GOLT1A: variants seen among roughly 807,000 people sequenced by gnomAD.
GOLT1A encodes vesicle transport protein GOT1A.
Under a neutral mutation model 16.1 loss-of-function variants are expected in GOLT1A, and 10 were observed. The ratio of observed to expected loss-of-function variants is 0.62; its 90% CI spans 0.38 to 1.05. The LOEUF is 1.05. GOLT1A is among the 50% of genes least tolerant of loss of function. The pLI is 0.01. For synonymous variants in GOLT1A, 60 were observed against 67.9 expected (o/e 0.88, Z 0.57); for missense variants, 137 against 165.7 (o/e 0.83, Z 0.95).
chr1:204,208,860 C>T (rs571722499), intron 1 of GOLT1A, among the ~76,000 whole-genome samples: 2 of 152,066 alleles, frequency 1.3e-5, no homozygotes, highest in South Asian at 4.2e-4. Context: ...AATAAACAAG[C>T]AAACAAAAAA....
intron 1 of GOLT1A, among the ~76,000 whole-genome samples, chr1:204,211,778 G>C (rs1287653899): frequency 6.6e-6 from 1 of 152,154 alleles, no homozygotes; most frequent in African/African-American, 2.4e-5. Context: ...TGTTTCCCAG[G>C]GGACATCTGG....
chr1:204,213,065 C>A (rs1659164040), intron 1 of GOLT1A, among the ~76,000 whole-genome samples: 1 of 152,156 alleles, frequency 6.6e-6, no homozygotes, highest in South Asian at 2.1e-4. Flanking sequence ...CCTGACCACT[C>A]TATATAAAAT....
intron 2 of GOLT1A, among the ~76,000 whole-genome samples, chr1:204,202,139 T>C (rs900168669): frequency 2.6e-5 from 4 of 151,990 alleles, no homozygotes; most frequent in Non-Finnish European, 4.4e-5. Context: ...GGAGGGATTT[T>C]TATTCCAAAG....
At chr1:204,200,661 ATGGC>A (rs1247864046) in intron 3 of GOLT1A, among the ~76,000 whole-genome samples, 6 of 152,100 alleles carry the variant, frequency 3.9e-5, no homozygotes, top group Non-Finnish European at 5.9e-5. Flanking sequence ...GAATAAATAG[ATGGC>A]AGGTATGCAT....
intron 2 of GOLT1A, among the ~76,000 whole-genome samples, chr1:204,202,463 T>C (rs1215470658): frequency 6.6e-6 from 1 of 151,944 alleles, no homozygotes; most frequent in Non-Finnish European, 1.5e-5. Context: ...TCCACCATTC[T>C]CCAATTCAGT....
Position 204,213,983 on chromosome 1 carries a change from G to T in GOLT1A, c.-77C>A. On this transcript the variant is annotated 5_prime_UTR_variant, in exon 1 of 5. Coordinates refer to ENST00000308302, the MANE Select transcript of GOLT1A (RefSeq NM_198447.2). ...GGCCCAGAGGACGCAGCTGGTACAT[G>T]GTCACGGGAAGCTGACCCTTGGTTA... 2 of 1,525,770 alleles carry T rather than the reference G, an allele frequency of 1.3e-6. No homozygotes were observed. Among genetic ancestry groups the T allele is most frequent in the South Asian group, 1.2e-5 (1 of 85,576 alleles). 94.5% of individuals were successfully genotyped at this position (1,525,770 alleles called of 1,614,324 possible). A position where few individuals can be genotyped will look rare whatever the true frequency, so the allele number is the denominator to read the frequency against.
chr1:204,210,738 C>T (rs56719062), intron 1 of GOLT1A, among the ~76,000 whole-genome samples: 18,022 of 152,174 alleles, frequency 0.12, 1,140 homozygotes, highest in Middle Eastern at 0.19. Context: ...CTCACGTCTT[C>T]AAACCTCCCT....
intron 3 of GOLT1A, 68 bp downstream of exon 3, chr1:204,201,565 G>C: frequency 1.3e-6 from 2 of 1,515,728 alleles, no homozygotes; most frequent in Non-Finnish European, 1.8e-6. Flanking sequence ...TGCACTCCCT[G>C]CTGGGGTGAT....
At chr1:204,202,525 GC>G (rs1658979192) in intron 2 of GOLT1A, among the ~76,000 whole-genome samples, 1 of 151,700 alleles carries the variant, frequency 6.6e-6, no homozygotes, top group Non-Finnish European at 1.5e-5. Flanking sequence ...GTTTACCATG[GC>G]CCCTGCCTTC....
At chr1:204,198,642 G>A in intron 4 of GOLT1A, 146 bp from the exon 5 acceptor site, 1 of 703,584 alleles carries the variant, frequency 1.4e-6, no homozygotes, top group Non-Finnish European at 2.4e-6. Flanking sequence ...GCTGGCGGTT[G>A]TGGTGGGGTG....
chr1:204,213,277 T>C (rs1383213272), intron 1 of GOLT1A, among the ~76,000 whole-genome samples: 2 of 152,206 alleles, frequency 1.3e-5, no homozygotes, highest in African/African-American at 2.4e-5. Context: ...GAGACAAATC[T>C]GTTGAGTGAA....
intron 1 of GOLT1A, among the ~76,000 whole-genome samples, chr1:204,208,503 A>ATATATATATATAT (rs1355316440): frequency 9.2e-4 from 47 of 50,904 alleles, no homozygotes; most frequent in African/African-American, 3.2e-3. Flanking sequence ...TATATATATA[A>ATATATATATATAT]AAAATGAACT....
intron 3 of GOLT1A, 81 bp downstream of exon 3, chr1:204,201,552 T>G: frequency 7.1e-7 from 1 of 1,417,070 alleles, no homozygotes; most frequent in East Asian, 2.3e-5. Context: ...AAGTCCCAGC[T>G]TCTGCACTCC....
chr1:204,206,109 A>G (rs1374800101), intron 1 of GOLT1A, among the ~76,000 whole-genome samples: 1 of 152,212 alleles, frequency 6.6e-6, no homozygotes, highest in African/African-American at 2.4e-5. Flanking sequence ...GATAAGATCT[A>G]GCATTCAAAT....
intron 1 of GOLT1A, among the ~76,000 whole-genome samples, chr1:204,212,091 A>C (rs1659145837): frequency 6.6e-6 from 1 of 152,126 alleles, no homozygotes; most frequent in South Asian, 2.1e-4. Context: ...CCTACCTGAC[A>C]TCTCACCCGG....
At chr1:204,199,391 C>T (rs755785060) in intron 3 of GOLT1A, 133 bp from the exon 4 acceptor site, 13 of 703,740 alleles carry the variant, frequency 1.8e-5, no homozygotes, top group South Asian at 6.5e-5. Flanking sequence ...TTCTGCACTC[C>T]TGTGTTCCGA....
rs1050097034 is a variant in GOLT1A, at chr1:204,200,328, T to G, written c.297-1070A>C. ...ATATATATATATATATATGTTTTTG[T>G]TTTTTTTTTTTTGAGAGAGAGAGTC... On this transcript the variant is annotated intron_variant, in intron 3 of 4. Coordinates refer to ENST00000308302, the MANE Select transcript of GOLT1A (RefSeq NM_198447.2). Among the ~76,000 whole-genome samples, 115 of 87,764 alleles carry G rather than the reference T, an allele frequency of 1.3e-3. 1 individual carries two copies. The East Asian group carries it at 0.024, about 18-fold the overall frequency. The allele number at this position is 87,764 out of a possible 152,430, so 57.6% of individuals were successfully genotyped here. A position where few individuals can be genotyped will look rare whatever the true frequency, so the allele number is the denominator to read the frequency against.
chr1:204,203,085 G>C, intron 1 of GOLT1A, 98 bp from the exon 2 acceptor site: 3 of 815,378 alleles, frequency 3.7e-6, no homozygotes, highest in South Asian at 3.0e-5. Context: ...CCCTCTATGG[G>C]GGTGACTCCA....
intron 2 of GOLT1A, among the ~76,000 whole-genome samples, chr1:204,202,427 A>G (rs1402473321): frequency 6.6e-6 from 1 of 151,730 alleles, no homozygotes; most frequent in Non-Finnish European, 1.5e-5. Context: ...ATTCACCTCC[A>G]CACCCATTTC....
Sources: gnomAD v4.1 joint callset for allele counts (sites outside exome capture counted in the v4.1 genomes callset) on GRCh38, gnomAD v4.1.1 for gene constraint, MANE v1.5 for transcripts, NCBI Gene and HGNC (gene_info 2026-07-23, HGNC 2026-07-21) for gene names.